APLP2: variants seen among roughly 807,000 people sequenced by gnomAD.
APLP2 encodes the protein CDEI box-binding protein.
APLP2 carries 53 observed loss-of-function variants against 89.9 expected under a neutral mutation model. That is an observed-to-expected ratio of 0.59 (90% CI 0.47 to 0.74). The LOEUF is 0.74. APLP2 is among the 30% of genes least tolerant of loss of function. APLP2 has a pLI of 0.00. For missense variants in APLP2, 973 were observed against 975.9 expected, an observed-to-expected ratio of 1.00 and a Z score of 0.04; for synonymous variants, 372 against 348.6, an observed-to-expected ratio of 1.07 and a Z score of -0.75.
chr11:130,130,128 G>C lies in APLP2; in HGVS notation c.1546G>C (p.Ala516Pro). Residue 516 changes from alanine (A) to proline (P), a missense_variant, in exon 11 of 17, where the codon GCT becomes CCT. Coordinates refer to ENST00000338167, the MANE Select transcript of APLP2 (RefSeq NM_001142276.2). ...HTIRHYQHVLAVDPEKAAQMK... is the reference protein window; with the variant it reads ...HTIRHYQHVLPVDPEKAAQMK... ...CATCCGTCATTACCAGCATGTGTTG[G>C]CTGTTGACCCAGAAAAGGCGGCCCA... 1.2e-6 allele frequency: 2 copies of C among 1,614,250 alleles called. No homozygotes were observed. Among genetic ancestry groups the C allele is most frequent in the Non-Finnish European group, 1.7e-6 (2 of 1,180,040 alleles).
chr11:130,098,619 T>G (rs753754339), intron 1 of APLP2, among the ~76,000 whole-genome samples: 9 of 152,228 alleles, frequency 5.9e-5, no homozygotes, highest in Non-Finnish European at 1.2e-4. Flanking sequence ...AAATCACTAA[T>G]TCAAGTGTTT....
chr11:130,075,257 C>G (rs1941910050), intron 1 of APLP2, among the ~76,000 whole-genome samples: 2 of 152,222 alleles, frequency 1.3e-5, no homozygotes, highest in South Asian at 4.1e-4. Context: ...TCAAGTGATC[C>G]TCCTGCCTCA....
At chr11:130,098,515 G>T (rs1410661203) in intron 1 of APLP2, among the ~76,000 whole-genome samples, 2 of 152,164 alleles carry the variant, frequency 1.3e-5, no homozygotes, top group Admixed American at 1.3e-4. Context: ...TCTGACATTG[G>T]TTATTCATGT....
chr11:130,110,054 ACT>A (rs1450071416), intron 2 of APLP2, among the ~76,000 whole-genome samples: 2 of 152,274 alleles, frequency 1.3e-5, no homozygotes, highest in East Asian at 3.9e-4. Flanking sequence ...TGGCCAGGGT[ACT>A]CTCAAACTCC....
chr11:130,095,484 G>T (rs1946073460), intron 1 of APLP2, among the ~76,000 whole-genome samples: 1 of 152,210 alleles, frequency 6.6e-6, no homozygotes, highest in Non-Finnish European at 1.5e-5. Context: ...ATAATATCTG[G>T]ACTGAAAAGA....
intron 1 of APLP2, among the ~76,000 whole-genome samples, chr11:130,072,673 C>T (rs1941342877): frequency 6.6e-6 from 1 of 152,074 alleles, no homozygotes; most frequent in Non-Finnish European, 1.5e-5. Flanking sequence ...GACAGGGTTT[C>T]ACCATGTTGG....
intron 1 of APLP2, among the ~76,000 whole-genome samples, chr11:130,087,844 C>T (rs865827191): frequency 1.3e-5 from 2 of 152,038 alleles, no homozygotes; most frequent in East Asian, 1.9e-4. Flanking sequence ...TAAAAAAAAT[C>T]CTGCTGGGCT....
At chr11:130,100,409 T>G (rs1026574804) in intron 1 of APLP2, 46 of 152,136 alleles carry the variant, frequency 3.0e-4, no homozygotes, top group African/African-American at 1.1e-3. Flanking sequence ...AAGAACCTGT[T>G]CATTTGAGAA....
chr11:130,143,950 A>G lies in APLP2; in HGVS notation c.*502A>G, dbSNP rs1292568978. On this transcript the variant is annotated 3_prime_UTR_variant, in exon 17 of 17. Transcript: ENST00000338167. ...AGGAAGTTGCTGAGAAATGGGGTGGAATAGGGAACTGTAATGGCCACTGAA... is the reference window on the plus strand; with the variant it reads ...AGGAAGTTGCTGAGAAATGGGGTGGGATAGGGAACTGTAATGGCCACTGAA... The G allele has an allele frequency of 6.4e-6, 1 of 155,594 alleles. No individual in the cohort carries two copies. The highest frequency in any genetic ancestry group is 1.9e-4 in the East Asian group (1 of 5,328). 9.6% of individuals were successfully genotyped at this position (155,594 alleles called of 1,614,324 possible).
chr11:130,079,760 A>G (rs954458012), intron 1 of APLP2, among the ~76,000 whole-genome samples: 1 of 152,166 alleles, frequency 6.6e-6, no homozygotes, highest in Non-Finnish European at 1.5e-5. Flanking sequence ...TGCCCCAGCT[A>G]AAATGTTCAG....
Position 130,130,060 on chromosome 11 carries a change from T to TA in APLP2, c.1479dup (p.Arg494ThrfsTer7), listed in dbSNP as rs1565596271. 6.2e-7 allele frequency: 1 copy of TA among 1,614,236 alleles called. No homozygotes were observed. Among genetic ancestry groups the TA allele is most frequent in the South Asian group, 1.1e-5 (1 of 91,088 alleles). ...CAGCCTCATCGCATTCTCCAGGCCT[T>TA]ACGGCGTTATGTCCGTGCTGAGAAC... On this transcript the variant is annotated frameshift_variant, in exon 11 of 17. Transcript: ENST00000338167. LOFTEE classifies it high-confidence loss of function.
chr11:130,075,347 C>T (rs1417738039), intron 1 of APLP2, among the ~76,000 whole-genome samples: 1 of 152,136 alleles, frequency 6.6e-6, no homozygotes, highest in Non-Finnish European at 1.5e-5. Context: ...TCTTTTAAAA[C>T]ATAACTAATC....
chr11:130,135,051 G>GA (rs1020634603), intron 12 of APLP2, among the ~76,000 whole-genome samples: 3 of 152,122 alleles, frequency 2.0e-5, no homozygotes, highest in African/African-American at 7.2e-5. Flanking sequence ...TGGCGTCGGG[G>GA]AGAAGTAGGT....
intron 3 of APLP2, among the ~76,000 whole-genome samples, chr11:130,112,163 A>G (rs940696607): frequency 2.0e-5 from 3 of 152,238 alleles, no homozygotes; most frequent in African/African-American, 4.8e-5. Context: ...CAAAACTCAC[A>G]GGGCATTCCG....
Position 130,143,284 on chromosome 11 carries a change from C to T in APLP2, c.2155-63C>T, listed in dbSNP as rs1952641877. ...ATTGTGCAGCAAATGGCTCAGGTCT[C>T]CCAGCACCCTGTGCAGGTCTCTTCC... On this transcript the variant is annotated intron_variant, in intron 16 of 16. Transcript: ENST00000338167. 8.7e-6 allele frequency: 13 copies of T among 1,489,724 alleles called. No individual in the cohort carries two copies. The South Asian group carries it at 1.2e-4, about 14-fold the overall frequency. The allele number at this position is 1,489,724 out of a possible 1,614,324, so 92.3% of individuals were successfully genotyped here.
chr11:130,083,583 G>GTC (rs1943603903), intron 1 of APLP2, among the ~76,000 whole-genome samples: 1 of 152,154 alleles, frequency 6.6e-6, no homozygotes, highest in African/African-American at 2.4e-5. Flanking sequence ...TGCAGTACTT[G>GTC]TCTTTTTGTG....
chr11:130,106,192 G>T (rs190077169), intron 1 of APLP2, among the ~76,000 whole-genome samples: 20 of 152,310 alleles, frequency 1.3e-4, no homozygotes, highest in African/African-American at 4.8e-4. Context: ...CCCCTTTAGT[G>T]TTCTGTGTTT....
chr11:130,097,979 C>G (rs1309870598), intron 1 of APLP2, among the ~76,000 whole-genome samples: 1 of 152,212 alleles, frequency 6.6e-6, no homozygotes, highest in East Asian at 1.9e-4. Flanking sequence ...CACATGCACA[C>G]TAGACCTTTC....
intron 3 of APLP2, among the ~76,000 whole-genome samples, chr11:130,119,428 A>G (rs919512888): frequency 3.3e-5 from 5 of 152,202 alleles, no homozygotes; most frequent in Non-Finnish European, 7.3e-5. Flanking sequence ...GGCAAATTAC[A>G]AACATGGCCA....
Sources: allele counts gnomAD v4.1 joint callset (sites outside exome capture counted in the v4.1 genomes callset), GRCh38; gene constraint gnomAD v4.1.1; transcripts MANE v1.5; gene names NCBI Gene and HGNC (gene_info 2026-07-23, HGNC 2026-07-21).